The following USP34 variants were observed in gnomAD, a reference collection of about 807,000 sequenced individuals.
USP34 encodes ubiquitin carboxyl-terminal hydrolase 34.
Under a neutral mutation model 460.3 loss-of-function variants are expected in USP34, and 70 were observed. That is an observed-to-expected ratio of 0.15 (90% CI 0.13 to 0.19). USP34 has a LOEUF of 0.19. Among genes scored for constraint, USP34 ranks in the 10% least tolerant of loss-of-function variants. The pLI, the probability that USP34 is intolerant of heterozygous loss-of-function variation, is 1.00. For synonymous variants in USP34, 1,647 were observed against 1,405.3 expected, an observed-to-expected ratio of 1.17 and a Z score of -3.85; for missense variants, 3,985 against 4,236.2, an observed-to-expected ratio of 0.94 and a Z score of 1.65.
chr2:61,243,271 T>C (rs1230840261), intron 51 of USP34, among the ~76,000 whole-genome samples: 1 of 152,080 alleles, frequency 6.6e-6, no homozygotes, highest in Non-Finnish European at 1.5e-5. Context: ...CTCAGCCTCC[T>C]GAGTAGCTGG....
intron 75 of USP34, among the ~76,000 whole-genome samples, chr2:61,197,774 G>T (rs1230032785): frequency 1.3e-5 from 2 of 151,526 alleles, no homozygotes; most frequent in Non-Finnish European, 2.9e-5. Flanking sequence ...CTATTTTGGT[G>T]GGGGGAACAG....
intron 8 of USP34, 79 bp downstream of exon 8, chr2:61,378,284 T>C (rs1209825440): frequency 9.2e-7 from 1 of 1,090,810 alleles, no homozygotes; most frequent in African/African-American, 1.7e-5. Flanking sequence ...AAATTTTAAA[T>C]CTAAAAATTA....
chr2:61,321,342 A>T (rs546397429), intron 21 of USP34, among the ~76,000 whole-genome samples: 1 of 151,424 alleles, frequency 6.6e-6, no homozygotes, highest in East Asian at 2.0e-4. Flanking sequence ...GTGGTGGCAC[A>T]TGCCTGTAGT....
At chr2:61,196,852 T>C (rs1016470333) in intron 75 of USP34, among the ~76,000 whole-genome samples, 6 of 152,152 alleles carry the variant, frequency 3.9e-5, no homozygotes, top group African/African-American at 1.2e-4. Context: ...GCAATCTCTA[T>C]ATCTATTTTC....
In USP34 at chr2:61,220,317, C is replaced by T; in HGVS notation, c.8040G>A (p.Val2680=). 1 of 1,607,832 alleles carries T rather than the reference C, an allele frequency of 6.2e-7. No individual in the cohort carries two copies. The highest frequency in any genetic ancestry group is 8.5e-7 in the Non-Finnish European group (1 of 1,177,836). Reference sequence around the variant, plus strand: ...TCTAAATATTTGACTTACAAGTCCTCACTCTAGGATAATTGTGAGCCAAAA... The same window carrying T: ...TCTAAATATTTGACTTACAAGTCCTTACTCTAGGATAATTGTGAGCCAAAA... ...RFLLAHNYPR[V]RTSAAYLLVS... The change falls in exon 67 of 80, where the codon GTG becomes GTA. Residue 2680 remains valine, a synonymous_variant. Transcript: ENST00000398571.
intron 8 of USP34, among the ~76,000 whole-genome samples, chr2:61,372,041 G>T (rs1400663540): frequency 6.6e-6 from 1 of 151,946 alleles, no homozygotes; most frequent in Non-Finnish European, 1.5e-5. Flanking sequence ...AGTACCATAT[G>T]ACTATATTAT....
intron 3 of USP34, among the ~76,000 whole-genome samples, chr2:61,399,986 T>C (rs1693663784): frequency 6.6e-6 from 1 of 152,002 alleles, no homozygotes; most frequent in South Asian, 2.1e-4. Context: ...GTCTTGCATT[T>C]TTTTTCCTCA....
At chr2:61,426,995 G>A (rs1253150909) in intron 1 of USP34, among the ~76,000 whole-genome samples, 1 of 152,188 alleles carries the variant, frequency 6.6e-6, no homozygotes, top group Non-Finnish European at 1.5e-5. Flanking sequence ...GAATTACTGG[G>A]CTTGGGGTAC....
chr2:61,403,697 A>G (rs1423322663), intron 3 of USP34, among the ~76,000 whole-genome samples: 1 of 152,100 alleles, frequency 6.6e-6, no homozygotes, highest in Admixed American at 6.6e-5. Context: ...TTTATCAAAA[A>G]GCTTTAGAGG....
chr2:61,376,028 C>T (rs1446745566), intron 8 of USP34, among the ~76,000 whole-genome samples: 4 of 151,958 alleles, frequency 2.6e-5, no homozygotes, highest in Non-Finnish European at 5.9e-5. Flanking sequence ...TCTACAGAGA[C>T]AGAAAGTAGA....
intron 15 of USP34, among the ~76,000 whole-genome samples, chr2:61,345,484 G>A (rs916401870): frequency 1.3e-5 from 2 of 152,122 alleles, no homozygotes; most frequent in African/African-American, 4.8e-5. Context: ...CTGATAAAGG[G>A]CATACCCATG....
intron 1 of USP34, among the ~76,000 whole-genome samples, chr2:61,451,220 CA>C (rs70963432): frequency 0.021 from 1,065 of 50,576 alleles, 9 homozygotes; most frequent in African/African-American, 0.1. Context: ...GGCTTCATCT[CA>C]AAAAAAAAAA....
At chr2:61,341,888 G>T (rs866358764) in intron 16 of USP34, among the ~76,000 whole-genome samples, 17 of 149,586 alleles carry the variant, frequency 1.1e-4, no homozygotes, top group Non-Finnish European at 2.1e-4. Flanking sequence ...TCAGCGTCCC[G>T]AGTAGCTGGG....
At position 61,316,017 on chromosome 2, in the gene USP34, C is replaced by T. The variant is rs189464790; in HGVS notation, c.3283-1043G>A. Among the ~76,000 whole-genome samples the T allele has an allele frequency of 2.4e-3, 337 of 141,912 alleles. 2 individuals are homozygous for T. The highest frequency in any genetic ancestry group is 7.1e-3 in the African/African-American group (272 of 38,210). 93.1% of individuals were successfully genotyped at this position (141,912 alleles called of 152,430 possible). A position where few individuals can be genotyped will look rare whatever the true frequency, so the allele number is the denominator to read the frequency against. On this transcript the variant is annotated intron_variant, in intron 23 of 79. Transcript: ENST00000398571. The stretch of plus-strand genomic sequence containing the variant: ...GAGTTCGAGACCAGCCTGGCCAACA[C>T]GGTGAAACCCTGTCTCTACTTTAAA...
At chr2:61,364,319 T>C (rs1279691943) in intron 10 of USP34, among the ~76,000 whole-genome samples, 1 of 152,188 alleles carries the variant, frequency 6.6e-6, no homozygotes, top group Non-Finnish European at 1.5e-5. Context: ...TGAGCTGTAA[T>C]TGTGCTGCTG....
chr2:61,375,794 A>G (rs888470727), intron 8 of USP34, among the ~76,000 whole-genome samples: 4 of 148,522 alleles, frequency 2.7e-5, no homozygotes, highest in Non-Finnish European at 4.5e-5. Context: ...AAAAAAAAAA[A>G]GTAGAAACAA....
chr2:61,469,329 G>C (rs1474489037), intron 1 of USP34, among the ~76,000 whole-genome samples: 1 of 152,162 alleles, frequency 6.6e-6, no homozygotes, highest in Non-Finnish European at 1.5e-5. Context: ...ACTTGTATGT[G>C]AGATATAAAA....
rs1428021623 is a variant in USP34 at position 61,301,472 on chromosome 2, A to G, written c.3818-18T>C. ...GAGGCCTCCTTAAAAACAGCAAAAC[A>G]TGGAAATGAATTTGTTTTTAAGAAT... is the stretch of plus-strand genomic sequence containing the variant. On this transcript the variant is annotated intron_variant, in intron 27 of 79. Coordinates refer to ENST00000398571, the MANE Select transcript of USP34 (RefSeq NM_014709.4). 2.5e-6 allele frequency: 4 copies of G among 1,593,508 alleles called. No homozygotes were observed. Among genetic ancestry groups the G allele is most frequent in the Non-Finnish European group, 3.4e-6 (4 of 1,166,872 alleles).
chr2:61,366,012 C>A (rs974506223), intron 10 of USP34, among the ~76,000 whole-genome samples: 6 of 151,922 alleles, frequency 3.9e-5, no homozygotes, highest in African/African-American at 1.4e-4. Flanking sequence ...GGTACAATGG[C>A]GTGATCTCAG....
Sources: allele counts gnomAD v4.1 joint callset (sites outside exome capture counted in the v4.1 genomes callset), GRCh38; gene constraint gnomAD v4.1.1; transcripts MANE v1.5; gene names NCBI Gene and HGNC (gene_info 2026-07-23, HGNC 2026-07-21).